Variants in SPMAP2L observed in about 807,000 individuals in gnomAD.
SPMAP2L encodes the protein sperm microtubule associated protein 2-like.
At chr4:56,575,401 G>A in the SPMAP2L span, 1 of 1,309,600 alleles carries the variant, frequency 7.6e-7, no homozygotes, top group Non-Finnish European at 1.0e-6. Context: ...ATAATAAACT[G>A]TCATACCTGC....
chr4:56,573,016 C>CAAA, the SPMAP2L span, among the ~76,000 whole-genome samples: 3 of 112,552 alleles, frequency 2.7e-5, no homozygotes, highest in Admixed American at 9.5e-5. Context: ...ACTCTATCTC[C>CAAA]AAAAAAAAAA....
chr4:56,573,394 C>T, the SPMAP2L span, among the ~76,000 whole-genome samples: 1 of 152,202 alleles, frequency 6.6e-6, no homozygotes, highest in Middle Eastern at 3.4e-3. Context: ...GTTGCCATTC[C>T]CACCTGAGAG....
the SPMAP2L span, among the ~76,000 whole-genome samples, chr4:56,585,399 T>C: frequency 1.3e-5 from 2 of 152,206 alleles, no homozygotes; most frequent in African/African-American, 4.8e-5. Flanking sequence ...CAGGCTGGAA[T>C]GCAGTCATGT....
the SPMAP2L span, among the ~76,000 whole-genome samples, chr4:56,615,263 A>G: frequency 6.6e-6 from 1 of 152,232 alleles, no homozygotes; most frequent in Non-Finnish European, 1.5e-5. Flanking sequence ...AAAAATATCC[A>G]GTTTGTTCTT....
chr4:56,533,763 A>G, the SPMAP2L span, among the ~76,000 whole-genome samples: 3 of 149,156 alleles, frequency 2.0e-5, no homozygotes, highest in Middle Eastern at 3.4e-3. Context: ...CCTGAGCAAC[A>G]TAGTGAGACC....
At chr4:56,621,371 GAA>G in the SPMAP2L span, among the ~76,000 whole-genome samples, 1 of 152,106 alleles carries the variant, frequency 6.6e-6, no homozygotes, top group Non-Finnish European at 1.5e-5. Flanking sequence ...GTTCTTTGAA[GAA>G]AAATGACCCT....
At chr4:56,587,462 AC>A in the SPMAP2L span, among the ~76,000 whole-genome samples, 1 of 122,540 alleles carries the variant, frequency 8.2e-6, no homozygotes, top group South Asian at 3.1e-4. Flanking sequence ...TTTGTCCCTC[AC>A]CCCCCTCCCA....
the SPMAP2L span, among the ~76,000 whole-genome samples, chr4:56,624,911 A>G: frequency 1.3e-4 from 20 of 152,274 alleles, no homozygotes; most frequent in South Asian, 4.1e-3. Flanking sequence ...AGTGGAGCTG[A>G]GAGAAGAGGG....
chr4:56,559,594 G>A, the SPMAP2L span: 2 of 1,354,560 alleles, frequency 1.5e-6, no homozygotes, highest in Non-Finnish European at 1.9e-6. Flanking sequence ...TTGAGACAGA[G>A]TCTCACACTG....
the SPMAP2L span, among the ~76,000 whole-genome samples, chr4:56,570,067 C>T: frequency 2.0e-5 from 3 of 152,144 alleles, no homozygotes; most frequent in Non-Finnish European, 4.4e-5. Flanking sequence ...CATCCCAAGG[C>T]CTTTTTCTCA....
At chr4:56,535,877 A>G in the SPMAP2L span, among the ~76,000 whole-genome samples, 1,246 of 152,214 alleles carry the variant, frequency 8.2e-3, 18 homozygotes, top group African/African-American at 0.028. Flanking sequence ...CCTTTTTGGC[A>G]CCAGGGACGG....
chr4:56,568,692 G>T, the SPMAP2L span, among the ~76,000 whole-genome samples: 1 of 152,160 alleles, frequency 6.6e-6, no homozygotes, highest in Non-Finnish European at 1.5e-5. Flanking sequence ...AAAAATTAAA[G>T]TGTATAAATT....
At chr4:56,610,014 T>C in the SPMAP2L span, among the ~76,000 whole-genome samples, 1 of 152,098 alleles carries the variant, frequency 6.6e-6, no homozygotes, top group Non-Finnish European at 1.5e-5. Context: ...ATTGTGAAAA[T>C]GACCATACTG....
chr4:56,563,187 G>T, the SPMAP2L span, among the ~76,000 whole-genome samples: 36 of 142,464 alleles, frequency 2.5e-4, no homozygotes, highest in Non-Finnish European at 4.5e-4. Context: ...CTTCCTCCTG[G>T]GTTCAAGAGA....
the SPMAP2L span, among the ~76,000 whole-genome samples, chr4:56,536,938 A>T: frequency 6.6e-6 from 1 of 151,970 alleles, no homozygotes; most frequent in Non-Finnish European, 1.5e-5. Context: ...TAATTTTTGT[A>T]TTTTTAGTAG....
the SPMAP2L span, among the ~76,000 whole-genome samples, chr4:56,534,190 C>T: frequency 6.6e-6 from 1 of 152,160 alleles, no homozygotes; most frequent in African/African-American, 2.4e-5. Flanking sequence ...GAACCACTTA[C>T]ATTTTCATCC....
chr4:56,559,452 T>C, the SPMAP2L span: 2 of 1,532,768 alleles, frequency 1.3e-6, no homozygotes, highest in South Asian at 2.4e-5. Flanking sequence ...CTTTGAAGGC[T>C]CAGCTGACCA....
At chr4:56,547,078 TG>T in the SPMAP2L span, among the ~76,000 whole-genome samples, 2 of 152,200 alleles carry the variant, frequency 1.3e-5, no homozygotes, top group Admixed American at 6.5e-5. Context: ...ACAAGTTCGT[TG>T]AATAGTTAAT....
the SPMAP2L span, among the ~76,000 whole-genome samples, chr4:56,534,839 G>C: frequency 2.0e-5 from 3 of 152,192 alleles, no homozygotes; most frequent in Non-Finnish European, 4.4e-5. Context: ...TAAGGCAGGA[G>C]AATCGCTTGA....
Sources: gnomAD v4.1 joint callset for allele counts (sites outside exome capture counted in the v4.1 genomes callset) on GRCh38, gnomAD v4.1.1 for gene constraint, MANE v1.5 for transcripts, NCBI Gene and HGNC (gene_info 2026-07-23, HGNC 2026-07-21) for gene names.